The following TNKS2 variants were observed in gnomAD, a reference collection of about 807,000 sequenced individuals.
TNKS2 encodes tankyrase 2.
Under a neutral mutation model 137.6 loss-of-function variants are expected in TNKS2, and 72 were observed. That is an observed-to-expected ratio of 0.52 (90% CI 0.43 to 0.64). The LOEUF (loss-of-function observed/expected upper bound fraction) is 0.64, where lower values mean the gene tolerates loss of function less well. Among genes scored for constraint, TNKS2 ranks in the 30% least tolerant of loss-of-function variants. The pLI is 0.00. For synonymous variants in TNKS2, 516 were observed against 512.1 expected (o/e 1.01, Z -0.10); for missense variants, 1,049 against 1,410.2 (o/e 0.74, Z 4.10).
intron 7 of TNKS2, among the ~76,000 whole-genome samples, chr10:91,823,824 T>A (rs866917309): frequency 6.6e-6 from 1 of 152,200 alleles, no homozygotes; most frequent in Admixed American, 6.5e-5. Context: ...CCTCTTTGGT[T>A]CCTTTCGGGC....
At chr10:91,825,858 C>G (rs1038799679) in intron 7 of TNKS2, among the ~76,000 whole-genome samples, 1 of 152,232 alleles carries the variant, frequency 6.6e-6, no homozygotes, top group Non-Finnish European at 1.5e-5. Context: ...AGCAGTGGAA[C>G]TCAAATGTTG....
intron 7 of TNKS2, among the ~76,000 whole-genome samples, chr10:91,825,093 TTTTTGTTTTGTTTTG>T (rs1335765683): frequency 6.6e-6 from 1 of 151,456 alleles, no homozygotes; most frequent in African/African-American, 2.4e-5. Context: ...GGTTTGGTTT[TTTTTGTTTTGTTTTG>T]TTTTGGTCGA....
At chr10:91,828,042 C>T (rs184092785) in intron 8 of TNKS2, among the ~76,000 whole-genome samples, 11 of 152,194 alleles carry the variant, frequency 7.2e-5, no homozygotes, top group African/African-American at 2.6e-4. Flanking sequence ...ATGAATCTGC[C>T]GTGGGCTAAA....
At chr10:91,833,534 T>C (rs1047520445) in intron 11 of TNKS2, among the ~76,000 whole-genome samples, 1 of 152,200 alleles carries the variant, frequency 6.6e-6, no homozygotes, top group Non-Finnish European at 1.5e-5. Flanking sequence ...TTCTACACTT[T>C]AGAGATCCAT....
intron 11 of TNKS2, 22 bp from the exon 12 acceptor site, chr10:91,833,831 C>T (rs563604545): frequency 4.1e-5 from 64 of 1,545,076 alleles, no homozygotes; most frequent in Non-Finnish European, 5.3e-5. Context: ...GGGCTAATTT[C>T]AATTTTTTCT....
At position 91,856,726 on chromosome 10, in the gene TNKS2, A is replaced by G. The variant is rs371948236; in HGVS notation, c.2989-699A>G. On this transcript the variant is annotated intron_variant, in intron 23 of 26. Transcript: ENST00000371627. ...CCTTTTTAATGCATAAATGAGATCT[A>G]TTTGTGACAGTTACGATCCTTGATT... 2.6e-5 allele frequency among the ~76,000 whole-genome samples: 4 copies of G among 152,138 alleles called. No individual in the cohort carries two copies. The East Asian group carries it at 5.8e-4, about 22-fold the overall frequency.
Position 91,813,035 on chromosome 10 carries a change from C to G in TNKS2, c.252C>G (p.Val84=), listed in dbSNP as rs761478730. The G allele has an allele frequency of 6.2e-7, 1 of 1,614,128 alleles. No homozygotes were observed. Among genetic ancestry groups the G allele is most frequent in the Non-Finnish European group, 8.5e-7 (1 of 1,180,034 alleles). The change falls in exon 2 of 27, where the codon GTC becomes GTG. Residue 84 remains valine, a synonymous_variant. Coordinates refer to ENST00000371627, the MANE Select transcript of TNKS2 (RefSeq NM_025235.4). ...ATTTGCTTCAGAATGGTGCAAATGT[C>G]CAAGCACGTGATGATGGGGGCCTTA... ...VEYLLQNGAN[V]QARDDGGLIP...
chr10:91,862,552 T>C (rs1842878193), intron 26 of TNKS2, among the ~76,000 whole-genome samples: 1 of 152,168 alleles, frequency 6.6e-6, no homozygotes, highest in Non-Finnish European at 1.5e-5. Flanking sequence ...TTAGCTCTTA[T>C]AAATAATTGA....
intron 7 of TNKS2, 33 bp from the exon 8 acceptor site, chr10:91,826,984 T>C (rs978132934): frequency 3.4e-6 from 5 of 1,469,278 alleles, no homozygotes; most frequent in South Asian, 1.5e-5. Context: ...CTTTTAAAAA[T>C]TGAACATTAA....
intron 8 of TNKS2, 60 bp from the exon 9 acceptor site, chr10:91,828,225 T>C: frequency 7.2e-7 from 1 of 1,395,452 alleles, no homozygotes; most frequent in South Asian, 1.7e-5. Flanking sequence ...CTAGATGTCT[T>C]TTAGATAAGG....
At chr10:91,857,399 T>C in intron 23 of TNKS2, 26 bp from the exon 24 acceptor site, 1 of 1,532,612 alleles carries the variant, frequency 6.5e-7, no homozygotes, top group Non-Finnish European at 8.9e-7. Context: ...CCTAAAGATT[T>C]GATTTTTCTG....
At chr10:91,836,770 C>T (rs1470227160) in intron 12 of TNKS2, 149 bp from the exon 13 acceptor site, 2 of 1,376,048 alleles carry the variant, frequency 1.5e-6, no homozygotes, top group Admixed American at 3.2e-5. Context: ...CACTCCCCAA[C>T]CCTCACCCCC....
intron 7 of TNKS2, among the ~76,000 whole-genome samples, chr10:91,826,350 A>G (rs1275336391): frequency 1.3e-5 from 2 of 152,222 alleles, no homozygotes; most frequent in Non-Finnish European, 1.5e-5. Flanking sequence ...CCAGCCAACT[A>G]GAAACAGTCC....
At chr10:91,857,667 A>G in intron 24 of TNKS2, 137 bp downstream of exon 24, 1 of 437,738 alleles carries the variant, frequency 2.3e-6, no homozygotes, top group Non-Finnish European at 4.0e-6. Context: ...TGTAACTTTC[A>G]CATTTATATT....
At chr10:91,815,581 G>A (rs12241914) in intron 2 of TNKS2, among the ~76,000 whole-genome samples, 1 of 151,774 alleles carries the variant, frequency 6.6e-6, no homozygotes, top group Admixed American at 6.6e-5. Flanking sequence ...ACATTTCAGA[G>A]ACTTAGTACA....
At chr10:91,813,326 C>T in intron 2 of TNKS2, 119 bp downstream of exon 2, 1 of 918,878 alleles carries the variant, frequency 1.1e-6, no homozygotes. Flanking sequence ...TAAGAACATC[C>T]CATGATTTAA....
intron 25 of TNKS2, 90 bp from the exon 26 acceptor site, chr10:91,861,909 A>T (rs970649208): frequency 1.7e-6 from 2 of 1,190,828 alleles, no homozygotes; most frequent in African/African-American, 3.1e-5. Flanking sequence ...ATGTATAAAT[A>T]ATTTTTTAAA....
In TNKS2 at chr10:91,836,706, A is replaced by C. The variant is rs1204338247; in HGVS notation, c.1448-213A>C. ...TTTTATAATCATTATACACATTTAC[A>C]TATTTTGCTTATATGTGTTGTATTT... On this transcript the variant is annotated intron_variant, in intron 12 of 26. Transcript: ENST00000371627. 3 of 984,880 alleles carry C rather than the reference A, an allele frequency of 3.0e-6. No homozygotes were observed. The East Asian group carries it at 3.4e-4, about 112-fold the overall frequency. 61.0% of individuals were successfully genotyped at this position (984,880 alleles called of 1,614,324 possible). A position where few individuals can be genotyped will look rare whatever the true frequency, so the allele number is the denominator to read the frequency against.
At chr10:91,852,626 T>A (rs1004045899) in intron 21 of TNKS2, among the ~76,000 whole-genome samples, 1 of 152,216 alleles carries the variant, frequency 6.6e-6, no homozygotes, top group Non-Finnish European at 1.5e-5. Flanking sequence ...ATTGTTCAAC[T>A]GAGGGAGTGA....
Sources: gnomAD v4.1 joint callset for allele counts (sites outside exome capture counted in the v4.1 genomes callset) on GRCh38, gnomAD v4.1.1 for gene constraint, MANE v1.5 for transcripts, NCBI Gene and HGNC (gene_info 2026-07-23, HGNC 2026-07-21) for gene names.